The following ATP8B1 variants were observed in gnomAD, a reference collection of about 807,000 sequenced individuals.
ATP8B1 encodes ATPase phospholipid transporting 8B1.
In ATP8B1, 80 loss-of-function variants were observed where a neutral mutation model predicts 149.9. The ratio of observed to expected loss-of-function variants is 0.53; its 90% CI spans 0.45 to 0.64. The LOEUF is 0.64. Among genes scored for constraint, ATP8B1 ranks in the 30% least tolerant of loss-of-function variants. The probability of loss-of-function intolerance (pLI) is 0.00; values close to 1 mark genes in which losing one functional copy is unlikely to be tolerated. For missense variants in ATP8B1, 1,247 were observed against 1,552.6 expected, an observed-to-expected ratio of 0.80 and a Z score of 3.31; for synonymous variants, 536 against 562.8, an observed-to-expected ratio of 0.95 and a Z score of 0.67.
intron 1 of ATP8B1, among the ~76,000 whole-genome samples, chr18:57,767,926 A>C (rs2080228105): frequency 6.6e-6 from 1 of 152,234 alleles, no homozygotes; most frequent in Non-Finnish European, 1.5e-5. Context: ...GCCAGCAAGC[A>C]ACTGGTTTGG....
intron 1 of ATP8B1, among the ~76,000 whole-genome samples, chr18:57,790,039 T>C (rs991771027): frequency 1.3e-5 from 2 of 152,212 alleles, no homozygotes; most frequent in African/African-American, 4.8e-5. Context: ...ATTCATCTTC[T>C]AAAACTACTC....
In ATP8B1 at chr18:57,652,686, A is replaced by T. The variant is rs199514707; in HGVS notation, c.3059T>A (p.Ile1020Lys). The T allele has an allele frequency of 6.2e-7, 1 of 1,614,028 alleles. No individual in the cohort carries two copies. Among genetic ancestry groups the T allele is most frequent in the Non-Finnish European group, 8.5e-7 (1 of 1,179,996 alleles). Reference protein sequence around the residue: ...KLSLRFPGLYIVGQRDLLFNY... With the variant: ...KLSLRFPGLYKVGQRDLLFNY... ...GAATAGTAAGTCTCTTTGTCCCACT[A>T]TGTATAACCCAGGGAATCGGAGGCT... is the stretch of plus-strand genomic sequence containing the variant. Residue 1020 changes from isoleucine to lysine, a missense_variant, in exon 25 of 28, where the codon ATA (isoleucine) becomes AAA (lysine). Around this residue, in one of 3 missense-constraint regions of ATP8B1, gnomAD observed 230 missense variants for 356.6 expected, o/e 0.65. Coordinates refer to ENST00000648908, the MANE Select transcript of ATP8B1 (RefSeq NM_001374385.1).
chr18:57,701,336 G>A (rs772970279), intron 4 of ATP8B1, 23 bp from the exon 5 acceptor site: 2 of 1,595,668 alleles, frequency 1.3e-6, no homozygotes, highest in Non-Finnish European at 1.7e-6. Flanking sequence ...AAGGGCTTAT[G>A]TGTGTGTCCA....
At chr18:57,659,271 GT>G (rs967570416) in intron 22 of ATP8B1, among the ~76,000 whole-genome samples, 2 of 149,268 alleles carry the variant, frequency 1.3e-5, no homozygotes, top group Non-Finnish European at 1.5e-5. Context: ...GGGAGACCTT[GT>G]TTTTTTTTTA....
At position 57,654,018 on chromosome 18, in the gene ATP8B1, C is replaced by T. The variant is rs1350129130; in HGVS notation, c.2989G>A (p.Val997Met). Residue 997 changes from valine to methionine, a missense_variant, in exon 24 of 28, where the codon GTG becomes ATG. This residue lies in a region of ATP8B1 where 230 missense variants were observed against 356.6 expected (regional missense o/e 0.65). Transcript: ENST00000648908. Reference protein sequence around the residue: ...LYNVLYTSLPVLLMGLLDQDV... With the variant: ...LYNVLYTSLPMLLMGLLDQDV... ...TGGTCGAGCAGCCCCATGAGGAGCA[C>T]GGGCAGGCTGGTGTACAGCACGTTG... 1.5e-5 allele frequency: 25 copies of T among 1,613,854 alleles called. No individual in the cohort carries two copies. The highest frequency in any genetic ancestry group is 2.2e-5 in the East Asian group (1 of 44,882).
chr18:57,751,506 A>C (rs1163702683), intron 1 of ATP8B1, among the ~76,000 whole-genome samples: 4 of 152,098 alleles, frequency 2.6e-5, no homozygotes, highest in Admixed American at 6.6e-5. Flanking sequence ...CACAAAATAC[A>C]ATTACACTCA....
At chr18:57,726,878 A>C (rs1013573888) in intron 2 of ATP8B1, among the ~76,000 whole-genome samples, 1 of 152,202 alleles carries the variant, frequency 6.6e-6, no homozygotes, top group Non-Finnish European at 1.5e-5. Context: ...TCAGGAGTTC[A>C]AGACAAGCCT....
chr18:57,734,220 C>T (rs1056291267), intron 1 of ATP8B1: 2 of 152,090 alleles, frequency 1.3e-5, no homozygotes, highest in African/African-American at 2.4e-5. Context: ...GACAGAGTAT[C>T]GCTCTGTCAC....
At chr18:57,799,388 G>A (rs1260336916) in intron 1 of ATP8B1, among the ~76,000 whole-genome samples, 1 of 152,206 alleles carries the variant, frequency 6.6e-6, no homozygotes, top group African/African-American at 2.4e-5. Flanking sequence ...TGGCCTTAAA[G>A]ATTCAGATGA....
At chr18:57,785,140 A>G (rs967345428) in intron 1 of ATP8B1, among the ~76,000 whole-genome samples, 11 of 152,254 alleles carry the variant, frequency 7.2e-5, no homozygotes, top group African/African-American at 2.7e-4. Flanking sequence ...TCATCGAATT[A>G]GAAAACAATT....
chr18:57,761,712 T>C (rs1263504266), intron 1 of ATP8B1, among the ~76,000 whole-genome samples: 1 of 151,314 alleles, frequency 6.6e-6, no homozygotes, highest in Non-Finnish European at 1.5e-5. Context: ...CCCAGCACTT[T>C]GGGAGGCTGA....
At chr18:57,782,006 AAT>A (rs1476103122) in intron 1 of ATP8B1, among the ~76,000 whole-genome samples, 3 of 152,200 alleles carry the variant, frequency 2.0e-5, no homozygotes, top group African/African-American at 4.8e-5. Flanking sequence ...CAGTAATAAT[AAT>A]ATTTAAAATA....
intron 3 of ATP8B1, 95 bp downstream of exon 3, chr18:57,706,395 C>T (rs971345982): frequency 5.3e-6 from 5 of 945,324 alleles, no homozygotes; most frequent in African/African-American, 4.8e-5. Context: ...CAGGTGGTTA[C>T]GTGGAAGGCA....
At position 57,648,272 on chromosome 18, in the gene ATP8B1, C is replaced by T; in HGVS notation, c.*216G>A. 1 of 656,520 alleles carries T rather than the reference C, an allele frequency of 1.5e-6. No individual in the cohort carries two copies. The highest frequency in any genetic ancestry group is 2.4e-5 in the Admixed American group (1 of 42,506). The allele number at this position is 656,520 out of a possible 1,614,324, so 40.7% of individuals were successfully genotyped here. A position where few individuals can be genotyped will look rare whatever the true frequency, so the allele number is the denominator to read the frequency against. On this transcript the variant is annotated 3_prime_UTR_variant, in exon 28 of 28. Transcript: ENST00000648908. The stretch of plus-strand genomic sequence containing the variant: ...AAGTGCTGGGATTACAGACCTGAGC[C>T]ACCACGCCCGGCCGAATAATAGGAC...
intron 1 of ATP8B1, among the ~76,000 whole-genome samples, chr18:57,744,941 CAGT>C (rs1354290005): frequency 6.6e-6 from 1 of 152,106 alleles, no homozygotes; most frequent in African/African-American, 2.4e-5. Flanking sequence ...AATGAAAAGG[CAGT>C]AGAAGAGGCA....
intron 1 of ATP8B1, among the ~76,000 whole-genome samples, chr18:57,770,314 G>T (rs1345796896): frequency 6.6e-6 from 1 of 152,192 alleles, no homozygotes; most frequent in Non-Finnish European, 1.5e-5. Context: ...CACCCCAGCT[G>T]CCAATGGGAA....
chr18:57,764,470 G>A (rs1229620821), intron 1 of ATP8B1, among the ~76,000 whole-genome samples: 1 of 148,594 alleles, frequency 6.7e-6, no homozygotes, highest in African/African-American at 2.5e-5. Flanking sequence ...CCAGGCTGGA[G>A]TGCAGTGGTG....
At chr18:57,774,603 T>TTA in intron 1 of ATP8B1, among the ~76,000 whole-genome samples, 1 of 151,752 alleles carries the variant, frequency 6.6e-6, no homozygotes, top group Middle Eastern at 3.4e-3. Flanking sequence ...ATCTCAAAAA[T>TTA]AAATAAAATT....
At chr18:57,721,542 G>A (rs953877666) in intron 2 of ATP8B1, among the ~76,000 whole-genome samples, 93 of 152,194 alleles carry the variant, frequency 6.1e-4, no homozygotes, top group Middle Eastern at 6.8e-3. Context: ...GACAAGAAGA[G>A]CTAACTCTCC....
Sources: gnomAD v4.1 joint callset for allele counts (sites outside exome capture counted in the v4.1 genomes callset) on GRCh38, gnomAD v4.1.1 for gene constraint, gnomAD v4.1.1 regional missense constraint, MANE v1.5 for transcripts, NCBI Gene and HGNC (gene_info 2026-07-23, HGNC 2026-07-21) for gene names.